GMPR: variants seen among roughly 807,000 people sequenced by gnomAD.
GMPR encodes guanosine monophosphate reductase.
A neutral mutation model predicts 38.4 loss-of-function variants in GMPR; 31 were observed. That is an observed-to-expected ratio of 0.81 (90% CI 0.61 to 1.09). The LOEUF (loss-of-function observed/expected upper bound fraction) is 1.09, where lower values mean the gene tolerates loss of function less well. Among genes scored for constraint, GMPR ranks in the 50% least tolerant of loss-of-function variants. The pLI is 0.00. For synonymous variants in GMPR, 162 were observed against 173.3 expected, an observed-to-expected ratio of 0.93 and a Z score of 0.51; for missense variants, 468 against 453.7, an observed-to-expected ratio of 1.03 and a Z score of -0.29.
At chr6:16,259,837 G>A (rs1581652380) in intron 4 of GMPR, among the ~76,000 whole-genome samples, 3 of 151,830 alleles carry the variant, frequency 2.0e-5, no homozygotes, top group African/African-American at 4.8e-5. Flanking sequence ...TTTACTTCAA[G>A]AGTTAAGAGT....
intron 5 of GMPR, among the ~76,000 whole-genome samples, chr6:16,275,139 T>A (rs1348943473): frequency 1.3e-5 from 2 of 152,224 alleles, no homozygotes; most frequent in Non-Finnish European, 2.9e-5. Context: ...TTCGCTTTCC[T>A]TCTTTGCCCT....
At chr6:16,240,139 T>A (rs976914096) in intron 1 of GMPR, among the ~76,000 whole-genome samples, 3 of 152,164 alleles carry the variant, frequency 2.0e-5, no homozygotes, top group Non-Finnish European at 4.4e-5. Context: ...CAAAATGTAT[T>A]TAGAAGAGAG....
Position 16,261,995 on chromosome 6 carries a change from TA to T in GMPR, c.465+7265del, listed in dbSNP as rs371410320. Among the ~76,000 whole-genome samples, 155 of 151,772 alleles carry T rather than the reference TA, an allele frequency of 1.0e-3. 1 individual carries two copies. The highest frequency in any genetic ancestry group is 3.6e-3 in the African/African-American group (149 of 41,416). ...AGGGAACTGGGCAGGTGGGGATAAC[TA>T]AAAAGGAGTGGTTAAAAGAGTAACG... On this transcript the variant is annotated intron_variant, in intron 4 of 8. Transcript: ENST00000259727.
chr6:16,267,711 A>G (rs1235394581), intron 4 of GMPR, among the ~76,000 whole-genome samples: 1 of 152,098 alleles, frequency 6.6e-6, no homozygotes, highest in Non-Finnish European at 1.5e-5. Flanking sequence ...TGGGACTTGG[A>G]GGTCCCTGTG....
At chr6:16,260,613 T>TA (rs1759064994) in intron 4 of GMPR, among the ~76,000 whole-genome samples, 1 of 151,990 alleles carries the variant, frequency 6.6e-6, no homozygotes, top group Admixed American at 6.6e-5. Flanking sequence ...ACTGAGAAGT[T>TA]ATTTCCTTGA....
chr6:16,252,659 A>T (rs2113673580), intron 3 of GMPR, among the ~76,000 whole-genome samples: 1 of 152,344 alleles, frequency 6.6e-6, no homozygotes, highest in South Asian at 2.1e-4. Context: ...AGGCGAATTC[A>T]AAAGGGATAA....
At chr6:16,242,107 A>G (rs1011846002) in intron 1 of GMPR, among the ~76,000 whole-genome samples, 1 of 152,214 alleles carries the variant, frequency 6.6e-6, no homozygotes, top group Non-Finnish European at 1.5e-5. Context: ...CAGGCATTGA[A>G]GAGAATCGCA....
At chr6:16,272,045 T>C (rs887829940) in intron 4 of GMPR, among the ~76,000 whole-genome samples, 3 of 152,062 alleles carry the variant, frequency 2.0e-5, no homozygotes, top group African/African-American at 7.2e-5. Flanking sequence ...ACCCCATCTC[T>C]ACTAAAAATA....
chr6:16,271,621 G>C (rs547157451), intron 4 of GMPR, among the ~76,000 whole-genome samples: 4 of 152,276 alleles, frequency 2.6e-5, no homozygotes, highest in African/African-American at 9.6e-5. Flanking sequence ...TTAGGCTCCT[G>C]TTAGGTTCTC....
rs1171021410 is a variant in GMPR, at chr6:16,261,722, C to T, written c.465+6987C>T. 3.9e-5 allele frequency among the ~76,000 whole-genome samples: 6 copies of T among 152,024 alleles called. No homozygotes were observed. The East Asian group carries it at 5.8e-4, about 15-fold the overall frequency. Reference sequence around the variant, plus strand: ...CAGGCTTTAATCCTTTCAAAGCATGCTGTGGGATGGGATCTTGGCATTGAG... The same window carrying T: ...CAGGCTTTAATCCTTTCAAAGCATGTTGTGGGATGGGATCTTGGCATTGAG... On this transcript the variant is annotated intron_variant, in intron 4 of 8. Coordinates refer to ENST00000259727, the MANE Select transcript of GMPR (RefSeq NM_006877.4).
chr6:16,247,171 G>GA (rs1157277509), intron 2 of GMPR, among the ~76,000 whole-genome samples: 15 of 152,100 alleles, frequency 9.9e-5, no homozygotes, highest in Non-Finnish European at 2.2e-4. Context: ...TTGCTTCTGT[G>GA]AAAATGACTG....
intron 5 of GMPR, 59 bp from the exon 6 acceptor site, chr6:16,278,725 A>T: frequency 1.7e-6 from 2 of 1,175,674 alleles, no homozygotes; most frequent in South Asian, 2.4e-5. Context: ...GACGCATTTC[A>T]TGTCACAGTC....
At chr6:16,277,662 A>G (rs958766330) in intron 5 of GMPR, among the ~76,000 whole-genome samples, 10 of 152,246 alleles carry the variant, frequency 6.6e-5, no homozygotes, top group African/African-American at 2.2e-4. Flanking sequence ...CCGACCACCC[A>G]GTACAGAAGA....
intron 4 of GMPR, among the ~76,000 whole-genome samples, chr6:16,266,234 C>T (rs1319083950): frequency 6.6e-6 from 1 of 151,482 alleles, no homozygotes; most frequent in Non-Finnish European, 1.5e-5. Flanking sequence ...ACGCCGCGCG[C>T]ACCACCTTTA....
At chr6:16,241,483 C>T (rs954339058) in intron 1 of GMPR, among the ~76,000 whole-genome samples, 5 of 152,328 alleles carry the variant, frequency 3.3e-5, no homozygotes, top group Admixed American at 3.3e-4. Flanking sequence ...GCCCAGGTGG[C>T]CTTCGCCTGG....
rs1323271366 is a variant in GMPR at position 16,242,725 on chromosome 6, G to A, written c.87+3945G>A. 6.6e-5 allele frequency among the ~76,000 whole-genome samples: 10 copies of A among 152,062 alleles called. No individual in the cohort carries two copies. In the East Asian group the frequency reaches 9.7e-4, roughly 15 times the overall value. On this transcript the variant is annotated intron_variant, in intron 1 of 8. Coordinates refer to ENST00000259727, the MANE Select transcript of GMPR (RefSeq NM_006877.4). Reference sequence around the variant, plus strand: ...GTGATCTTGTCTCACCGCAACCTCCGCCTCCCAGGTTCAAGCAATTCTCCT... The same window carrying A: ...GTGATCTTGTCTCACCGCAACCTCCACCTCCCAGGTTCAAGCAATTCTCCT...
intron 4 of GMPR, among the ~76,000 whole-genome samples, chr6:16,258,292 C>T (rs1416919655): frequency 6.6e-6 from 1 of 152,222 alleles, no homozygotes; most frequent in South Asian, 2.1e-4. Flanking sequence ...ATTCTCCAAA[C>T]TGGAGCTGCT....
At chr6:16,260,534 G>A (rs1399624988) in intron 4 of GMPR, among the ~76,000 whole-genome samples, 2 of 151,998 alleles carry the variant, frequency 1.3e-5, no homozygotes, top group South Asian at 2.1e-4. Context: ...GCAAATCCTC[G>A]AGCTTGATGT....
intron 1 of GMPR, among the ~76,000 whole-genome samples, chr6:16,239,128 G>C (rs1758595343): frequency 1.3e-5 from 2 of 152,330 alleles, no homozygotes; most frequent in South Asian, 4.1e-4. Context: ...GGAGCTAGGG[G>C]AGAGAGGACG....
Sources: gnomAD v4.1 joint callset for allele counts (sites outside exome capture counted in the v4.1 genomes callset) on GRCh38, gnomAD v4.1.1 for gene constraint, MANE v1.5 for transcripts, NCBI Gene and HGNC (gene_info 2026-07-23, HGNC 2026-07-21) for gene names.